HPSE2: variants seen among roughly 807,000 people sequenced by gnomAD.
HPSE2 encodes the protein inactive heparanase-2.
Under a neutral mutation model 60.5 loss-of-function variants are expected in HPSE2, and 38 were observed. That is an observed-to-expected ratio of 0.63 (90% CI 0.48 to 0.82). The LOEUF is 0.82. HPSE2 is among the 40% of genes least tolerant of loss of function. HPSE2 has a pLI of 0.00. For missense variants in HPSE2, 713 were observed against 740.4 expected (o/e 0.96, Z 0.43); for synonymous variants, 295 against 293.2 (o/e 1.01, Z -0.06).
intron 2 of HPSE2, among the ~76,000 whole-genome samples, chr10:99,209,549 T>C (rs1389399549): frequency 2.0e-5 from 3 of 151,956 alleles, no homozygotes; most frequent in Admixed American, 1.3e-4. Context: ...TTAAATAACC[T>C]AACATTATGC....
chr10:99,264,936 AT>A, the HPSE2 span, among the ~76,000 whole-genome samples: 2 of 151,718 alleles, frequency 1.3e-5, no homozygotes, highest in African/African-American at 2.4e-5. Context: ...ACCCCCCAAA[AT>A]TTTCACCTCC....
At chr10:98,770,594 C>A (rs537283754) in intron 3 of HPSE2, among the ~76,000 whole-genome samples, 2 of 152,122 alleles carry the variant, frequency 1.3e-5, no homozygotes, top group Non-Finnish European at 2.9e-5. Context: ...TCCCCATGAG[C>A]CTGGCTGAAT....
intron 4 of HPSE2, among the ~76,000 whole-genome samples, chr10:98,730,674 A>T (rs1326830155): frequency 6.6e-6 from 1 of 152,156 alleles, no homozygotes; most frequent in Non-Finnish European, 1.5e-5. Flanking sequence ...ACTACTATGA[A>T]AATCTTTGTG....
intron 3 of HPSE2, among the ~76,000 whole-genome samples, chr10:98,939,984 T>C (rs1287996064): frequency 7.0e-6 from 1 of 143,564 alleles, no homozygotes; most frequent in African/African-American, 2.8e-5. Flanking sequence ...GAATGACTAC[T>C]GGGTACACAA....
chr10:98,751,794 C>T (rs945601458), intron 3 of HPSE2, among the ~76,000 whole-genome samples: 1 of 152,130 alleles, frequency 6.6e-6, no homozygotes, highest in Non-Finnish European at 1.5e-5. Context: ...GGAAAGGGGC[C>T]TATTTGGGGT....
chr10:99,106,181 C>G (rs1422680401), intron 3 of HPSE2, among the ~76,000 whole-genome samples: 2 of 152,104 alleles, frequency 1.3e-5, no homozygotes, highest in Non-Finnish European at 2.9e-5. Flanking sequence ...TGTGTTAAAT[C>G]TGCAGATTAA....
At chr10:99,097,036 G>T (rs899515058) in intron 3 of HPSE2, among the ~76,000 whole-genome samples, 1 of 152,154 alleles carries the variant, frequency 6.6e-6, no homozygotes, top group Non-Finnish European at 1.5e-5. Context: ...GACTTTAGGA[G>T]CATATGCAAA....
intron 9 of HPSE2, among the ~76,000 whole-genome samples, chr10:98,540,424 C>T (rs968582003): frequency 8.5e-5 from 13 of 152,190 alleles, no homozygotes; most frequent in Admixed American, 2.6e-4. Context: ...ATGACCGTGA[C>T]CGTCGTAGGA....
intron 3 of HPSE2, among the ~76,000 whole-genome samples, chr10:98,901,391 A>G (rs887364442): frequency 2.0e-5 from 3 of 152,224 alleles, no homozygotes; most frequent in Non-Finnish European, 2.9e-5. Context: ...GTGTCCTCCA[A>G]GTGATTCTGG....
chr10:99,246,240 A>G, the HPSE2 span, among the ~76,000 whole-genome samples: 398 of 152,252 alleles, frequency 2.6e-3, 3 homozygotes, highest in African/African-American at 8.8e-3. Flanking sequence ...TATGGGGGGG[A>G]AAATACAAGA....
At chr10:99,290,661 G>A in the HPSE2 span, among the ~76,000 whole-genome samples, 1 of 152,140 alleles carries the variant, frequency 6.6e-6, no homozygotes, top group African/African-American at 2.4e-5. Flanking sequence ...GCACAGAGTT[G>A]TAAGGAATAA....
the HPSE2 span, among the ~76,000 whole-genome samples, chr10:99,260,388 G>A: frequency 3.9e-5 from 6 of 152,062 alleles, no homozygotes; most frequent in Non-Finnish European, 5.9e-5. Flanking sequence ...CCCTGTCCTC[G>A]CCCTCGATTC....
At chr10:99,106,717 C>A (rs1437289671) in intron 3 of HPSE2, among the ~76,000 whole-genome samples, 1 of 152,028 alleles carries the variant, frequency 6.6e-6, no homozygotes, top group Non-Finnish European at 1.5e-5. Context: ...ACTACTTAAT[C>A]TTCATAATAA....
chr10:98,622,870 T>C (rs1240957173), intron 7 of HPSE2, among the ~76,000 whole-genome samples: 1 of 151,824 alleles, frequency 6.6e-6, no homozygotes, highest in Admixed American at 6.6e-5. Flanking sequence ...AAGCAGGGAA[T>C]TGTAGGAACA....
At chr10:99,280,675 C>T in the HPSE2 span, among the ~76,000 whole-genome samples, 2 of 152,202 alleles carry the variant, frequency 1.3e-5, no homozygotes, top group African/African-American at 4.8e-5. Flanking sequence ...TGTAACACAG[C>T]TCTCACTTCC....
chr10:98,758,157 C>T (rs1949921140), intron 3 of HPSE2, among the ~76,000 whole-genome samples: 1 of 151,868 alleles, frequency 6.6e-6, no homozygotes, highest in South Asian at 2.1e-4. Context: ...TGAAACTGAA[C>T]CCCTTCCTTC....
At chr10:98,614,109 G>C (rs1945833785) in intron 9 of HPSE2, among the ~76,000 whole-genome samples, 1 of 152,148 alleles carries the variant, frequency 6.6e-6, no homozygotes, top group African/African-American at 2.4e-5. Flanking sequence ...CACTCCTCAA[G>C]AGATGGGTTC....
chr10:98,706,208 C>T (rs1376470945), intron 5 of HPSE2, among the ~76,000 whole-genome samples: 1 of 152,160 alleles, frequency 6.6e-6, no homozygotes, highest in African/African-American at 2.4e-5. Flanking sequence ...TCTTATGCTG[C>T]CTCCAAGCTG....
In HPSE2 at chr10:98,939,148, C is replaced by A. The variant is rs905641891; in HGVS notation, c.611-195092G>T. On this transcript the variant is annotated intron_variant, in intron 3 of 11. Transcript: ENST00000370552. ...GCAAAATCATGGCAAATTGTAAAGA[C>A]CATCGAGGCTAGGAAGAAACTGCAT... is the stretch of plus-strand genomic sequence containing the variant. Among the ~76,000 whole-genome samples the A allele has an allele frequency of 2.1e-5, 3 of 143,668 alleles. 1 individual carries two copies. Among genetic ancestry groups the A allele is most frequent in the African/African-American group, 8.5e-5 (3 of 35,226 alleles). The allele number at this position is 143,668 out of a possible 152,430, so 94.3% of individuals were successfully genotyped here. A position where few individuals can be genotyped will look rare whatever the true frequency, so the allele number is the denominator to read the frequency against.
Sources: allele counts gnomAD v4.1 joint callset (sites outside exome capture counted in the v4.1 genomes callset), GRCh38; gene constraint gnomAD v4.1.1; transcripts MANE v1.5; gene names NCBI Gene and HGNC (gene_info 2026-07-23, HGNC 2026-07-21).